Variants in KCNT2 observed in about 807,000 individuals in gnomAD.
The protein encoded by KCNT2 is potassium sodium-activated channel subfamily T member 2, also known as potassium channel subfamily T member 2.
Under a neutral mutation model 153.8 loss-of-function variants are expected in KCNT2, and 67 were observed. The observed-to-expected ratio is 0.44, with a 90% confidence interval of 0.36 to 0.53. The LOEUF is 0.53. Among genes scored for constraint, KCNT2 ranks in the 20% least tolerant of loss-of-function variants. The probability of loss-of-function intolerance (pLI) is 0.00; values close to 1 mark genes in which losing one functional copy is unlikely to be tolerated. For synonymous variants in KCNT2, 500 were observed against 458.8 expected, an observed-to-expected ratio of 1.09 and a Z score of -1.15; for missense variants, 975 against 1,354.8, an observed-to-expected ratio of 0.72 and a Z score of 4.40.
intron 1 of KCNT2, among the ~76,000 whole-genome samples, chr1:196,566,127 A>C (rs1660082186): frequency 6.6e-6 from 1 of 151,996 alleles, no homozygotes; most frequent in Non-Finnish European, 1.5e-5. Flanking sequence ...ATAAGCAGAC[A>C]GTGAAGGAAA....
chr1:196,411,792 A>G (rs1023662908), intron 12 of KCNT2, among the ~76,000 whole-genome samples: 10 of 151,792 alleles, frequency 6.6e-5, no homozygotes, highest in African/African-American at 2.4e-4. Flanking sequence ...CCTTATCCAC[A>G]GGGGTGGGGG....
intron 25 of KCNT2, among the ~76,000 whole-genome samples, chr1:196,278,288 T>C (rs1658769115): frequency 6.6e-6 from 1 of 152,180 alleles, no homozygotes; most frequent in Admixed American, 6.5e-5. Context: ...TATTTTGTTG[T>C]AAAAAGTGCT....
intron 8 of KCNT2, among the ~76,000 whole-genome samples, chr1:196,450,803 GTCTA>G (rs772902331): frequency 6.9e-6 from 1 of 145,612 alleles, no homozygotes; most frequent in Non-Finnish European, 1.5e-5. Context: ...TTATTAAAAC[GTCTA>G]TCTGAGTACG....
At chr1:196,369,526 C>T (rs551425289) in intron 14 of KCNT2, among the ~76,000 whole-genome samples, 55 of 147,730 alleles carry the variant, frequency 3.7e-4, no homozygotes, top group Non-Finnish European at 6.1e-4. Context: ...CTTCCTGTGT[C>T]CATGTGATCT....
At chr1:196,580,799 C>T (rs1661940760) in intron 1 of KCNT2, among the ~76,000 whole-genome samples, 1 of 151,992 alleles carries the variant, frequency 6.6e-6, no homozygotes, top group African/African-American at 2.4e-5. Context: ...GTGAAACTGA[C>T]TATAGAGAAT....
At chr1:196,336,924 C>T (rs1558162291) in intron 16 of KCNT2, among the ~76,000 whole-genome samples, 1 of 152,158 alleles carries the variant, frequency 6.6e-6, no homozygotes. Context: ...TCTCATCCCC[C>T]TGATACTTAA....
intron 8 of KCNT2, among the ~76,000 whole-genome samples, chr1:196,453,881 T>C (rs987575263): frequency 1.3e-5 from 2 of 152,016 alleles, no homozygotes; most frequent in Non-Finnish European, 2.9e-5. Flanking sequence ...TACTTGCTCA[T>C]TTCTCTATCT....
At chr1:196,270,267 T>C (rs1040553420) in intron 25 of KCNT2, among the ~76,000 whole-genome samples, 14 of 152,018 alleles carry the variant, frequency 9.2e-5, no homozygotes, top group Non-Finnish European at 1.9e-4. Context: ...TAAATCAGCC[T>C]AGCCCAAATC....
chr1:196,461,315 T>A (rs1677132161), intron 8 of KCNT2, among the ~76,000 whole-genome samples: 2 of 151,718 alleles, frequency 1.3e-5, no homozygotes, highest in Admixed American at 1.3e-4. Flanking sequence ...TGAGTTTATT[T>A]TGTCTTGAAA....
intron 8 of KCNT2, among the ~76,000 whole-genome samples, chr1:196,459,904 G>T (rs1677000404): frequency 6.6e-6 from 1 of 151,684 alleles, no homozygotes; most frequent in Non-Finnish European, 1.5e-5. Flanking sequence ...TCCCAAATCA[G>T]GGAAACTGAT....
intron 26 of KCNT2, 58 bp from the exon 27 acceptor site, chr1:196,236,128 A>G: frequency 1.1e-6 from 1 of 899,032 alleles, no homozygotes; most frequent in South Asian, 1.3e-5. Context: ...TACAGGAATT[A>G]CTAGTGAACA....
intron 26 of KCNT2, among the ~76,000 whole-genome samples, chr1:196,236,931 T>C (rs1654494610): frequency 6.6e-6 from 1 of 151,360 alleles, no homozygotes; most frequent in South Asian, 2.1e-4. Flanking sequence ...CTCCCATGGG[T>C]AAAGTTTTCA....
intron 25 of KCNT2, among the ~76,000 whole-genome samples, chr1:196,271,608 G>A (rs1425357060): frequency 6.6e-6 from 1 of 151,968 alleles, no homozygotes; most frequent in Non-Finnish European, 1.5e-5. Flanking sequence ...TTAAGAATCA[G>A]TAGAACTAGA....
chr1:196,346,130 A>G (rs1415753890), intron 14 of KCNT2, among the ~76,000 whole-genome samples: 7 of 152,110 alleles, frequency 4.6e-5, no homozygotes, highest in African/African-American at 1.4e-4. Flanking sequence ...AAAAAATAAA[A>G]TGCATCACAA....
At chr1:196,330,170 G>A (rs1664317111) in intron 18 of KCNT2, among the ~76,000 whole-genome samples, 1 of 150,762 alleles carries the variant, frequency 6.6e-6, no homozygotes, top group African/African-American at 2.4e-5. Flanking sequence ...ATTTTCTAAT[G>A]TTCTGTAAAT....
intron 1 of KCNT2, among the ~76,000 whole-genome samples, chr1:196,499,008 G>A (rs1680468506): frequency 6.6e-6 from 1 of 152,074 alleles, no homozygotes; most frequent in Non-Finnish European, 1.5e-5. Context: ...AATAGGGTGA[G>A]CCCTTAATCA....
intron 13 of KCNT2, among the ~76,000 whole-genome samples, chr1:196,375,500 A>G (rs912491711): frequency 2.6e-5 from 4 of 151,748 alleles, no homozygotes; most frequent in African/African-American, 9.7e-5. Flanking sequence ...TTAATATATG[A>G]TATGTATCAG....
At chr1:196,488,969 G>A (rs1679649329) in intron 3 of KCNT2, among the ~76,000 whole-genome samples, 1 of 151,944 alleles carries the variant, frequency 6.6e-6, no homozygotes, top group African/African-American at 2.4e-5. Flanking sequence ...GGGCTACAAG[G>A]CACAATACCC....
chr1:196,377,924 G>T (rs1669111997), intron 13 of KCNT2, among the ~76,000 whole-genome samples: 1 of 151,980 alleles, frequency 6.6e-6, no homozygotes, highest in African/African-American at 2.4e-5. Flanking sequence ...TGATACCAAG[G>T]TATCCACCAT....
Sources: gnomAD v4.1 joint callset for allele counts (sites outside exome capture counted in the v4.1 genomes callset) on GRCh38, gnomAD v4.1.1 for gene constraint, MANE v1.5 for transcripts, NCBI Gene and HGNC (gene_info 2026-07-23, HGNC 2026-07-21) for gene names.